The following GPR180 variants were observed in gnomAD, a reference collection of about 807,000 sequenced individuals.
The protein encoded by GPR180 is integral membrane protein GPR180.
GPR180 carries 53 observed loss-of-function variants against 52.6 expected under a neutral mutation model. That is an observed-to-expected ratio of 1.01 (90% CI 0.81 to 1.27). GPR180 has a LOEUF of 1.27. Among genes scored for constraint, GPR180 ranks in the 50% most tolerant of loss-of-function variants. The pLI is 0.00. For missense variants in GPR180, 533 were observed against 527.0 expected (o/e 1.01, Z -0.11); for synonymous variants, 200 against 193.1 (o/e 1.04, Z -0.30).
chr13:94,619,380 TAATTAGTCCACCA>T (rs1023051803), intron 4 of GPR180, 50 bp downstream of exon 4: 1 of 1,604,162 alleles, frequency 6.2e-7, no homozygotes, highest in African/African-American at 1.3e-5. Flanking sequence ...TAATTAATCC[TAATTAGTCCACCA>T]AAATTATGCT....
intron 4 of GPR180, 39 bp from the exon 5 acceptor site, chr13:94,619,429 C>G: frequency 6.2e-7 from 1 of 1,602,316 alleles, no homozygotes; most frequent in Non-Finnish European, 8.5e-7. Context: ...CAATTTTTTT[C>G]ACATTTGTAA....
chr13:94,610,811 C>T (rs894909528), intron 2 of GPR180, among the ~76,000 whole-genome samples: 7 of 152,180 alleles, frequency 4.6e-5, no homozygotes, highest in African/African-American at 1.7e-4. Flanking sequence ...TCAACACAGC[C>T]CCCCTCCAAG....
intron 3 of GPR180, among the ~76,000 whole-genome samples, chr13:94,618,406 A>G (rs1368974848): frequency 9.9e-6 from 1 of 100,858 alleles, no homozygotes; most frequent in African/African-American, 5.2e-5. Context: ...ATGGAGTCGC[A>G]TGATCAGCAC....
Position 94,631,388 on chromosome 13 carries a change from T to TA in GPR180, c.*4218dup, listed in dbSNP as rs930204038. ...AAGCCCCTTATTTTGAATATTAAGA[T>TA]ATGTGTATGTGTATTAGATCCTAGT... On this transcript the variant is annotated 3_prime_UTR_variant, in exon 9 of 9. Transcript: ENST00000376958. The TA allele has an allele frequency of 6.6e-5, 10 of 151,962 alleles. No homozygotes were observed. The highest frequency in any genetic ancestry group is 2.4e-4 in the African/African-American group (10 of 41,332). The allele number at this position is 151,962 out of a possible 1,614,324, so 9.4% of individuals were successfully genotyped here.
At position 94,627,121 on chromosome 13, in the gene GPR180, A is replaced by C; in HGVS notation, c.1273A>C (p.Thr425Pro). 6.2e-7 allele frequency: 1 copy of C among 1,613,160 alleles called. No individual in the cohort carries two copies. The highest frequency in any genetic ancestry group is 1.1e-5 in the South Asian group (1 of 91,022). The change falls in exon 9 of 9, where the codon ACA becomes CCA. Residue 425 changes from threonine (T) to proline (P), a missense_variant. Physicochemically the swap from Thr to Pro is conservative, Grantham distance 38. Transcript: ENST00000376958. ...YWEVSSLSSV[T>P]LPLTISSGHK... ...GGAAGTTTCTTCACTTTCTTCAGTAACACTACCACTGACCATATCATCTGG... is the reference window on the plus strand; with the variant it reads ...GGAAGTTTCTTCACTTTCTTCAGTACCACTACCACTGACCATATCATCTGG...
intron 2 of GPR180, among the ~76,000 whole-genome samples, chr13:94,609,609 G>A (rs963475737): frequency 7.2e-5 from 11 of 151,936 alleles, no homozygotes; most frequent in East Asian, 1.9e-4. Context: ...AATGAGGTCC[G>A]GATTATATAA....
At position 94,601,929 on chromosome 13, in the gene GPR180, TG is replaced by T. The variant is rs772740445; in HGVS notation, c.9del (p.Leu4_?3). ...GTCGGTGCAGACCTGGAGACGGGCA[TG>T]GGGGGGCTGCGGCTGCTGGCTGTGG... [M>X]GGLRLLAVAL... On this transcript the variant is annotated frameshift_variant and start_lost, in exon 1 of 9. Transcript: ENST00000376958. LOFTEE classifies it high-confidence loss of function. The T allele has an allele frequency of 2.2e-5, 32 of 1,488,038 alleles. No individual in the cohort carries two copies. Among genetic ancestry groups the T allele is most frequent in the Middle Eastern group, 2.2e-4 (1 of 4,520 alleles). The allele number at this position is 1,488,038 out of a possible 1,614,324, so 92.2% of individuals were successfully genotyped here.
Position 94,612,317 on chromosome 13 carries a change from C to T in GPR180, c.432C>T (p.Ile144=), listed in dbSNP as rs200815953. 4 of 1,613,516 alleles carry T rather than the reference C, an allele frequency of 2.5e-6. No homozygotes were observed. Among genetic ancestry groups the T allele is most frequent in the African/African-American group, 2.7e-5 (2 of 74,858 alleles). ...DDKENSQVED[I]PFEMVLLNPD... ...AGGAGAATTCTCAGGTGGAAGATAT[C>T]CCATTTGAAATGGTGTTACTAAACC... Residue 144 remains isoleucine, a synonymous_variant, in exon 3 of 9, where the codon ATC becomes ATT. Coordinates refer to ENST00000376958, the MANE Select transcript of GPR180 (RefSeq NM_180989.6).
chr13:94,627,288 CAT>C lies in GPR180; in HGVS notation c.*118_*119del. The C allele has an allele frequency of 1.3e-6, 1 of 790,792 alleles. No individual in the cohort carries two copies. 49.0% of individuals were successfully genotyped at this position (790,792 alleles called of 1,614,324 possible). A position where few individuals can be genotyped will look rare whatever the true frequency, so the allele number is the denominator to read the frequency against. On this transcript the variant is annotated 3_prime_UTR_variant, in exon 9 of 9. Transcript: ENST00000376958. ...GAAAACTTGAACAGCGAAAGCAGAG[CAT>C]GTTATTTATATAACTGCATTTAAGC...
At chr13:94,611,708 C>T (rs1169983539) in intron 2 of GPR180, among the ~76,000 whole-genome samples, 3 of 151,930 alleles carry the variant, frequency 2.0e-5, no homozygotes, top group Non-Finnish European at 4.4e-5. Flanking sequence ...TCATCATGAT[C>T]TACGAGACCA....
rs1188807402 is a variant in GPR180, at chr13:94,627,084, C to T, written c.1236C>T (p.His412=). Residue 412 remains histidine (H), a synonymous_variant, in exon 9 of 9, where the codon CAC becomes CAT. Coordinates refer to ENST00000376958, the MANE Select transcript of GPR180 (RefSeq NM_180989.6). ...MVILYRLFLS[H]SLYWEVSSLS... The stretch of plus-strand genomic sequence containing the variant: ...TTCTCTACAGACTCTTTCTGTCTCA[C>T]AGTCTATACTGGGAAGTTTCTTCAC... 3.1e-6 allele frequency: 5 copies of T among 1,611,666 alleles called. No individual in the cohort carries two copies. The East Asian group carries it at 1.1e-4, about 36-fold the overall frequency.
At chr13:94,617,219 TA>T (rs1245242893) in intron 3 of GPR180, among the ~76,000 whole-genome samples, 1 of 152,094 alleles carries the variant, frequency 6.6e-6, no homozygotes, top group African/African-American at 2.4e-5. Flanking sequence ...TCAGAAACTT[TA>T]AAGATATTCT....
chr13:94,619,562 T>C, intron 5 of GPR180, 45 bp downstream of exon 5: 4 of 1,461,178 alleles, frequency 2.7e-6, no homozygotes, highest in Non-Finnish European at 3.8e-6. Context: ...TTACACTCGC[T>C]ATCTGCTTTT....
intron 5 of GPR180, among the ~76,000 whole-genome samples, chr13:94,620,242 G>A (rs895777306): frequency 6.6e-6 from 1 of 152,202 alleles, no homozygotes; most frequent in Admixed American, 6.5e-5. Context: ...TCCACTCTCT[G>A]TTATAACTGA....
chr13:94,622,850 C>T (rs1319913687), intron 6 of GPR180, among the ~76,000 whole-genome samples: 1 of 152,210 alleles, frequency 6.6e-6, no homozygotes, highest in Non-Finnish European at 1.5e-5. Context: ...GCTGGGATTA[C>T]AGGCCTGAGC....
intron 6 of GPR180, among the ~76,000 whole-genome samples, chr13:94,622,747 G>C (rs535801877): frequency 1.3e-5 from 2 of 152,218 alleles, no homozygotes; most frequent in South Asian, 2.1e-4. Flanking sequence ...CTAATTTTTT[G>C]TATTTTTAGT....
intron 2 of GPR180, 116 bp downstream of exon 2, chr13:94,605,665 G>A: frequency 1.2e-6 from 1 of 811,430 alleles, no homozygotes; most frequent in Non-Finnish European, 1.9e-6. Flanking sequence ...CCACTGTGAT[G>A]ACACTTTGTC....
chr13:94,614,823 C>A (rs772101219), intron 3 of GPR180, among the ~76,000 whole-genome samples: 2 of 152,184 alleles, frequency 1.3e-5, no homozygotes, highest in African/African-American at 2.4e-5. Context: ...TCACTATAAT[C>A]GTATGTATTT....
At position 94,633,734 on chromosome 13, in the gene GPR180, C is replaced by T. The variant is rs1290689933; in HGVS notation, c.*6563C>T. On this transcript the variant is annotated 3_prime_UTR_variant, in exon 9 of 9. Transcript: ENST00000376958. ...ATTATCAGTCTTTCATTTTTTTCTT[C>T]TGTGTTCTACCTGTTTCACAGGTAG... The T allele has an allele frequency of 6.6e-6, 1 of 150,674 alleles. No individual in the cohort carries two copies. Among genetic ancestry groups the T allele is most frequent in the Non-Finnish European group, 1.5e-5 (1 of 67,662 alleles). The allele number at this position is 150,674 out of a possible 1,614,324, so 9.3% of individuals were successfully genotyped here.
Sources: gnomAD v4.1 joint callset for allele counts (sites outside exome capture counted in the v4.1 genomes callset) on GRCh38, gnomAD v4.1.1 for gene constraint, MANE v1.5 for transcripts, NCBI Gene and HGNC (gene_info 2026-07-23, HGNC 2026-07-21) for gene names.